Variants in FAM169A observed in about 807,000 individuals in gnomAD.
The protein encoded by FAM169A is family with sequence similarity 169 member A.
FAM169A carries 24 observed loss-of-function variants against 75.7 expected under a neutral mutation model. The ratio of observed to expected loss-of-function variants is 0.32; its 90% CI spans 0.23 to 0.45. FAM169A has a LOEUF of 0.45. FAM169A is among the 20% of genes least tolerant of loss of function. The probability of loss-of-function intolerance (pLI) is 1.00; values close to 1 mark genes in which losing one functional copy is unlikely to be tolerated. For synonymous variants in FAM169A, 271 were observed against 271.0 expected, an observed-to-expected ratio of 1.00 and a Z score of 0.00; for missense variants, 673 against 784.0, an observed-to-expected ratio of 0.86 and a Z score of 1.69.
At chr5:74,844,924 C>G (rs887420040) in intron 1 of FAM169A, among the ~76,000 whole-genome samples, 1 of 152,134 alleles carries the variant, frequency 6.6e-6, no homozygotes, top group African/African-American at 2.4e-5. Flanking sequence ...TAAAAGTTAC[C>G]TAGTTGGCAT....
intron 11 of FAM169A, among the ~76,000 whole-genome samples, chr5:74,786,136 C>T (rs1161161062): frequency 6.6e-6 from 1 of 152,200 alleles, no homozygotes; most frequent in African/African-American, 2.4e-5. Context: ...GATTCCTGCC[C>T]TCAAACATCA....
chr5:74,866,398 C>G (rs568322431), upstream of FAM169A: 272 of 982,870 alleles, frequency 2.8e-4, no homozygotes, highest in Middle Eastern at 3.7e-3. Context: ...AGCGCCGCAG[C>G]GCCTCCAGCC....
Position 74,778,638 on chromosome 5 carries a change from G to C in FAM169A, c.*2822C>G, listed in dbSNP as rs937650325. ...GACCCTCTCACCTTTAAAAGTTGTA[G>C]AGGAGCTTTATAATAAATTCTTAAA... is the stretch of plus-strand genomic sequence containing the variant. On this transcript the variant is annotated 3_prime_UTR_variant, in exon 13 of 13. Coordinates refer to ENST00000687041, the MANE Select transcript of FAM169A (RefSeq NM_001376049.1). The C allele has an allele frequency of 3.3e-5, 5 of 152,122 alleles. No homozygotes were observed. The highest frequency in any genetic ancestry group is 2.1e-4 in the South Asian group (1 of 4,828). The allele number at this position is 152,122 out of a possible 1,614,324, so 9.4% of individuals were successfully genotyped here. A position where few individuals can be genotyped will look rare whatever the true frequency, so the allele number is the denominator to read the frequency against.
rs919704641 is a variant in FAM169A at position 74,832,000 on chromosome 5, T to G, written c.490+2426A>C. ...AACTGTTGGTCAAGGAAGTAAAAAC[T>G]TATTTTACCAATAAATTAAGATAAA... On this transcript the variant is annotated intron_variant, in intron 5 of 12. Transcript: ENST00000687041. Among the ~76,000 whole-genome samples, 16 of 152,154 alleles carry G rather than the reference T, an allele frequency of 1.1e-4. 1 individual carries two copies. Among genetic ancestry groups the G allele is most frequent in the African/African-American group, 3.9e-4 (16 of 41,460 alleles).
At chr5:74,841,872 A>T (rs979276758) in intron 1 of FAM169A, among the ~76,000 whole-genome samples, 193 bp from the exon 2 acceptor site, 6 of 152,234 alleles carry the variant, frequency 3.9e-5, no homozygotes, top group Admixed American at 2.6e-4. Flanking sequence ...TTCAAACATT[A>T]TTCATTTGTA....
At chr5:74,831,128 G>C (rs1748288106) in intron 5 of FAM169A, among the ~76,000 whole-genome samples, 1 of 151,800 alleles carries the variant, frequency 6.6e-6, no homozygotes, top group Non-Finnish European at 1.5e-5. Flanking sequence ...ACAGAATTCA[G>C]AAAACTTTAG....
chr5:74,855,125 C>G (rs1749643157), intron 1 of FAM169A, among the ~76,000 whole-genome samples: 1 of 152,174 alleles, frequency 6.6e-6, no homozygotes, highest in Non-Finnish European at 1.5e-5. Context: ...GCATTCGTTA[C>G]TGCCTGTCTT....
At chr5:74,815,018 G>A (rs1294622620) in intron 5 of FAM169A, among the ~76,000 whole-genome samples, 1 of 152,028 alleles carries the variant, frequency 6.6e-6, no homozygotes, top group African/African-American at 2.4e-5. Flanking sequence ...ATCATTTAAT[G>A]AGCTGATCAA....
chr5:74,831,791 T>C (rs1241863044), intron 5 of FAM169A, among the ~76,000 whole-genome samples: 26 of 152,186 alleles, frequency 1.7e-4, no homozygotes. Flanking sequence ...CATTTTGCTT[T>C]GTTCTGCTTC....
intron 1 of FAM169A, among the ~76,000 whole-genome samples, chr5:74,856,296 AT>A (rs201057246): frequency 2.6e-5 from 4 of 151,100 alleles, no homozygotes; most frequent in African/African-American, 9.7e-5. Flanking sequence ...ACATTTTAGG[AT>A]TTTTTTTTCT....
chr5:74,786,290 C>CA (rs1745692103), intron 11 of FAM169A, among the ~76,000 whole-genome samples: 1 of 152,130 alleles, frequency 6.6e-6, no homozygotes, highest in Non-Finnish European at 1.5e-5. Context: ...CTATTAGTTC[C>CA]ATTCCTCTAG....
intron 5 of FAM169A, among the ~76,000 whole-genome samples, chr5:74,828,053 A>G (rs1748125812): frequency 6.6e-6 from 1 of 152,210 alleles, no homozygotes; most frequent in East Asian, 1.9e-4. Flanking sequence ...TCCTATTCCT[A>G]TTTTTTATTT....
chr5:74,782,913 A>T lies in FAM169A; in HGVS notation c.1464+18T>A. 6.3e-7 allele frequency: 1 copy of T among 1,581,820 alleles called. No individual in the cohort carries two copies. The highest frequency in any genetic ancestry group is 8.6e-7 in the Non-Finnish European group (1 of 1,156,442). On this transcript the variant is annotated intron_variant, in intron 12 of 12. Transcript: ENST00000687041. ...ACATTGGTAAACTTTATTAAAAAAT[A>T]GCTCATTGCCCCCTTACCTTATCTG...
chr5:74,807,068 T>C (rs1440933610), intron 6 of FAM169A, among the ~76,000 whole-genome samples: 1 of 152,226 alleles, frequency 6.6e-6, no homozygotes, highest in Non-Finnish European at 1.5e-5. Context: ...GATCCAATTC[T>C]ACTTCTAGGT....
rs1327204005 is a variant in FAM169A, at chr5:74,779,383, GAC to G, written c.*2075_*2076del. 2 of 152,106 alleles carry G rather than the reference GAC, an allele frequency of 1.3e-5. No individual in the cohort carries two copies. Among genetic ancestry groups the G allele is most frequent in the African/African-American group, 2.4e-5 (1 of 41,434 alleles). The allele number at this position is 152,106 out of a possible 1,614,324, so 9.4% of individuals were successfully genotyped here. A position where few individuals can be genotyped will look rare whatever the true frequency, so the allele number is the denominator to read the frequency against. ...ATTAGCATGGCCCCTGTGCAAGGAT[GAC>G]ACAAATTCATGAAGCGTTTCCATGT... On this transcript the variant is annotated 3_prime_UTR_variant, in exon 13 of 13. Coordinates refer to ENST00000687041, the MANE Select transcript of FAM169A (RefSeq NM_001376049.1).
intron 1 of FAM169A, among the ~76,000 whole-genome samples, chr5:74,854,481 T>C (rs1749608283): frequency 6.6e-6 from 1 of 152,186 alleles, no homozygotes; most frequent in African/African-American, 2.4e-5. Flanking sequence ...CACACTTTGT[T>C]ATTTTTAAAT....
At chr5:74,852,681 G>A (rs1020187390) in intron 1 of FAM169A, among the ~76,000 whole-genome samples, 2 of 151,634 alleles carry the variant, frequency 1.3e-5, no homozygotes, top group East Asian at 1.9e-4. Flanking sequence ...GATTTACCAA[G>A]AGAGTTAAGG....
intron 1 of FAM169A, among the ~76,000 whole-genome samples, chr5:74,864,430 A>T (rs759929388): frequency 4.6e-5 from 7 of 152,154 alleles, no homozygotes; most frequent in Non-Finnish European, 8.8e-5. Context: ...GGGTTTCACC[A>T]TGTTGGCCAG....
chr5:74,847,845 G>T (rs1749236045), intron 1 of FAM169A, among the ~76,000 whole-genome samples: 1 of 152,026 alleles, frequency 6.6e-6, no homozygotes, highest in African/African-American at 2.4e-5. Flanking sequence ...TACTGTCAAA[G>T]ATTTTTTTCA....
Sources: allele counts gnomAD v4.1 joint callset (sites outside exome capture counted in the v4.1 genomes callset), GRCh38; gene constraint gnomAD v4.1.1; transcripts MANE v1.5; gene names NCBI Gene and HGNC (gene_info 2026-07-23, HGNC 2026-07-21).